Variants in PIWIL2 observed in about 807,000 individuals in gnomAD.
The protein encoded by PIWIL2 is piwi like RNA-mediated gene silencing 2.
PIWIL2 carries 81 observed loss-of-function variants against 116.5 expected under a neutral mutation model. That is an observed-to-expected ratio of 0.70 (90% CI 0.58 to 0.84). The LOEUF (loss-of-function observed/expected upper bound fraction) is 0.84. Among genes scored for constraint, PIWIL2 ranks in the 40% least tolerant of loss-of-function variants. PIWIL2 has a pLI of 0.00. For missense variants in PIWIL2, 1,272 were observed against 1,212.3 expected (o/e 1.05, Z -0.73); for synonymous variants, 489 against 429.5 (o/e 1.14, Z -1.71).
At chr8:22,346,425 G>C (rs1337218358) in intron 20 of PIWIL2, among the ~76,000 whole-genome samples, 1 of 152,158 alleles carries the variant, frequency 6.6e-6, no homozygotes, top group Non-Finnish European at 1.5e-5. Context: ...CTCCTCTGAT[G>C]CTGGGATGCA....
intron 20 of PIWIL2, among the ~76,000 whole-genome samples, chr8:22,346,310 C>T (rs1251115773): frequency 6.6e-6 from 1 of 152,166 alleles, no homozygotes. Flanking sequence ...AAATAAAAAG[C>T]ACTCCTCCAC....
intron 6 of PIWIL2, among the ~76,000 whole-genome samples, chr8:22,286,670 G>A (rs1027572823): frequency 2.6e-5 from 4 of 151,836 alleles, no homozygotes; most frequent in Admixed American, 1.3e-4. Context: ...TGCGCAGGCC[G>A]GAGTGCAGTG....
intron 10 of PIWIL2, among the ~76,000 whole-genome samples, chr8:22,302,551 G>A (rs1440109062): frequency 1.3e-5 from 2 of 152,004 alleles, no homozygotes; most frequent in East Asian, 1.9e-4. Flanking sequence ...TCTGTGGCGT[G>A]CGGCTGCTGA....
At chr8:22,289,152 C>CTTTTTTTTTTTTTTT (rs374688951) in intron 8 of PIWIL2, among the ~76,000 whole-genome samples, 1 of 135,286 alleles carries the variant, frequency 7.4e-6, no homozygotes. Context: ...TTTCTTTTTT[C>CTTTTTTTTTTTTTTT]TTTTTTTTTT....
intron 20 of PIWIL2, among the ~76,000 whole-genome samples, chr8:22,347,090 G>C (rs1362795528): frequency 6.6e-6 from 1 of 150,422 alleles, no homozygotes; most frequent in Non-Finnish European, 1.5e-5. Context: ...AGGATTGCTT[G>C]AGTTCAGGAA....
chr8:22,314,303 C>G, intron 16 of PIWIL2, 25 bp from the exon 17 acceptor site: 1 of 1,305,482 alleles, frequency 7.7e-7, no homozygotes. Context: ...CACAGCCTGA[C>G]TTGTATATAC....
At chr8:22,284,079 T>G (rs1260419054) in intron 5 of PIWIL2, 83 bp from the exon 6 acceptor site, 3 of 660,252 alleles carry the variant, frequency 4.5e-6, no homozygotes, top group Non-Finnish European at 7.8e-6. Flanking sequence ...CCCAATCTTC[T>G]TGTTGTTGGT....
chr8:22,334,325 G>T (rs1306619458), intron 20 of PIWIL2, among the ~76,000 whole-genome samples: 4 of 151,394 alleles, frequency 2.6e-5, no homozygotes, highest in African/African-American at 9.7e-5. Flanking sequence ...TTGGGGCCAG[G>T]TGGCTCACAC....
Position 22,291,015 on chromosome 8 carries a change from C to T in PIWIL2, c.1181+669C>T, listed in dbSNP as rs991844631. On this transcript the variant is annotated intron_variant, in intron 10 of 22. Transcript: ENST00000356766. ...ACAGAGTCTCACTCTATCACCCAGG[C>T]TGGAGTGCAGTGGTGCAATCTTGGC... Among the ~76,000 whole-genome samples, 3 of 148,174 alleles carry T rather than the reference C, an allele frequency of 2.0e-5. No homozygotes were observed. In the East Asian group the frequency reaches 5.8e-4, roughly 29 times the overall value.
In PIWIL2 at chr8:22,353,033, C is replaced by T. The variant is rs376173992; in HGVS notation, c.2478C>T (p.Ala826=). The part of the protein sequence containing the change: ...GVSDGQLKTV[A]NYEIPQLQKC... ...CTGATGGCCAACTGAAGACAGTTGC[C>T]AACTATGAGATTCCTCAACTACAGA... The change falls in exon 21 of 23, where the codon GCC becomes GCT. Residue 826 remains alanine, a synonymous_variant. Coordinates refer to ENST00000356766, the MANE Select transcript of PIWIL2 (RefSeq NM_018068.5). 5.6e-6 allele frequency: 9 copies of T among 1,613,940 alleles called. No homozygotes were observed. The highest frequency in any genetic ancestry group is 1.3e-5 in the African/African-American group (1 of 75,020).
intron 20 of PIWIL2, chr8:22,321,715 A>T (rs780730466): frequency 2.4e-4 from 48 of 202,532 alleles, no homozygotes; most frequent in Admixed American, 6.5e-4. Flanking sequence ...CAAATAAAAT[A>T]AAAAATAAAC....
intron 17 of PIWIL2, 43 bp from the exon 18 acceptor site, chr8:22,314,986 A>AGT (rs1234000052): frequency 1.9e-6 from 2 of 1,048,326 alleles, no homozygotes; most frequent in Admixed American, 3.5e-5. Flanking sequence ...AGAGGTTGAT[A>AGT]GTGACCTGCT....
chr8:22,316,752 G>T (rs901161415), intron 19 of PIWIL2, among the ~76,000 whole-genome samples: 2 of 151,888 alleles, frequency 1.3e-5, no homozygotes, highest in African/African-American at 4.8e-5. Context: ...ACAGTGCTTG[G>T]ATTACAGGCG....
In PIWIL2 at chr8:22,288,676, C is replaced by T. The variant is rs1830687770; in HGVS notation, c.986+10C>T. 2.5e-6 allele frequency: 4 copies of T among 1,604,522 alleles called. No homozygotes were observed. The highest frequency in any genetic ancestry group is 3.4e-6 in the Non-Finnish European group (4 of 1,175,536). The stretch of plus-strand genomic sequence containing the variant: ...ATGTTGTTTTCCGTCGGTAAGAAAA[C>T]AGCTGAAGTTCTATTGTCCTGTAAC... On this transcript the variant is annotated intron_variant, in intron 8 of 22. Transcript: ENST00000356766.
At chr8:22,326,826 T>C (rs1831735915) in intron 20 of PIWIL2, among the ~76,000 whole-genome samples, 1 of 152,128 alleles carries the variant, frequency 6.6e-6, no homozygotes, top group South Asian at 2.1e-4. Context: ...TTTGTTTAAG[T>C]TCCCATTTTC....
chr8:22,349,925 G>T (rs1046818576), intron 20 of PIWIL2, among the ~76,000 whole-genome samples: 1 of 152,150 alleles, frequency 6.6e-6, no homozygotes, highest in Non-Finnish European at 1.5e-5. Context: ...GCAGTCTGTT[G>T]GTGTGGCTCG....
At chr8:22,322,128 G>C (rs542636901) in intron 20 of PIWIL2, 1 of 211,040 alleles carries the variant, frequency 4.7e-6, no homozygotes, top group Admixed American at 6.5e-5. Flanking sequence ...CATTGTCAAC[G>C]TCTTGCCTTG....
rs546435063 is a variant in PIWIL2 at position 22,288,214 on chromosome 8, C to T, written c.862-328C>T. 4.6e-5 allele frequency among the ~76,000 whole-genome samples: 7 copies of T among 150,552 alleles called. No homozygotes were observed. The South Asian group carries it at 1.0e-3, about 22-fold the overall frequency. ...TCAGGAGGCTGAGGCAGGAGAATGG[C>T]GTCAACCCAGGAGGCGGAGCCTGCA... On this transcript the variant is annotated intron_variant, in intron 7 of 22. Transcript: ENST00000356766.
chr8:22,320,149 G>C (rs1831561714), intron 20 of PIWIL2, among the ~76,000 whole-genome samples: 1 of 151,806 alleles, frequency 6.6e-6, no homozygotes, highest in African/African-American at 2.4e-5. Flanking sequence ...TTTTAGTAGA[G>C]ACAGGGTTTC....
Sources: allele counts gnomAD v4.1 joint callset (sites outside exome capture counted in the v4.1 genomes callset), GRCh38; gene constraint gnomAD v4.1.1; transcripts MANE v1.5; gene names NCBI Gene and HGNC (gene_info 2026-07-23, HGNC 2026-07-21).